The following CDKAL1 variants were observed in gnomAD, a reference collection of about 807,000 sequenced individuals.
CDKAL1 encodes CDKAL1 threonylcarbamoyladenosine tRNA methylthiotransferase.
Under a neutral mutation model 68.2 loss-of-function variants are expected in CDKAL1, and 32 were observed. The observed-to-expected ratio is 0.47, with a 90% confidence interval of 0.35 to 0.63. CDKAL1 has a LOEUF of 0.63. Ranked by LOEUF, CDKAL1 falls within the 30% of genes least tolerant of loss-of-function variation. CDKAL1 has a pLI of 0.00. For missense variants in CDKAL1, 606 were observed against 696.7 expected (o/e 0.87, Z 1.47); for synonymous variants, 234 against 244.3 (o/e 0.96, Z 0.39).
intron 10 of CDKAL1, among the ~76,000 whole-genome samples, chr6:20,978,595 T>C (rs1193257971): frequency 1.3e-5 from 2 of 152,240 alleles, no homozygotes; most frequent in Non-Finnish European, 2.9e-5. Flanking sequence ...TTTGAGATGC[T>C]ATAAACGAGC....
At chr6:21,137,924 T>G (rs1041455477) in intron 13 of CDKAL1, among the ~76,000 whole-genome samples, 1 of 152,260 alleles carries the variant, frequency 6.6e-6, no homozygotes, top group Non-Finnish European at 1.5e-5. Context: ...CAACGCTCTG[T>G]GTAGCATACG....
chr6:21,079,974 C>CTGTGTGTGTGTGTGTGTGTG (rs1206773584), intron 12 of CDKAL1, among the ~76,000 whole-genome samples: 2 of 20,438 alleles, frequency 9.8e-5, no homozygotes, highest in Non-Finnish European at 2.5e-4. Context: ...TCAACTTTGT[C>CTGTGTGTGTGTGTGTGTGTG]TCTGTGTGTG....
intron 12 of CDKAL1, among the ~76,000 whole-genome samples, chr6:21,069,774 C>T (rs76587435): frequency 0.27 from 19,150 of 69,728 alleles, 2,978 homozygotes; most frequent in East Asian, 0.65. Context: ...GATTTTCTTT[C>T]TTTTTTTTTT....
At chr6:20,904,599 G>C (rs1335031966) in intron 9 of CDKAL1, among the ~76,000 whole-genome samples, 1 of 152,098 alleles carries the variant, frequency 6.6e-6, no homozygotes, top group African/African-American at 2.4e-5. Flanking sequence ...AGACCAGCCT[G>C]ACCAACATGG....
chr6:20,986,456 G>C (rs1766456226), intron 10 of CDKAL1, among the ~76,000 whole-genome samples: 1 of 151,816 alleles, frequency 6.6e-6, no homozygotes, highest in Admixed American at 6.6e-5. Flanking sequence ...TTTTAATAGA[G>C]AAAAAATGTA....
intron 4 of CDKAL1, among the ~76,000 whole-genome samples, chr6:20,589,754 T>C (rs756342755): frequency 6.6e-6 from 1 of 152,210 alleles, no homozygotes; most frequent in Non-Finnish European, 1.5e-5. Context: ...TCTTATATTA[T>C]TAGTTTTTCT....
chr6:20,653,689 G>A (rs10223446), intron 5 of CDKAL1, among the ~76,000 whole-genome samples: 10,795 of 148,570 alleles, frequency 0.073, 1,257 homozygotes, highest in African/African-American at 0.25. Context: ...ATCTTGTCTC[G>A]CTACAACCTC....
At chr6:21,049,442 C>T (rs1261331764) in intron 11 of CDKAL1, among the ~76,000 whole-genome samples, 1 of 152,122 alleles carries the variant, frequency 6.6e-6, no homozygotes, top group Non-Finnish European at 1.5e-5. Context: ...ATAGTAAATA[C>T]CTTCACTTTA....
intron 8 of CDKAL1, among the ~76,000 whole-genome samples, chr6:20,832,920 A>T (rs1777776942): frequency 6.6e-6 from 1 of 152,148 alleles, no homozygotes; most frequent in Non-Finnish European, 1.5e-5. Flanking sequence ...TAGTCTGAGG[A>T]TTAAATGGTC....
At chr6:20,756,886 T>G (rs1186078736) in intron 6 of CDKAL1, 2 of 89,990 alleles carry the variant, frequency 2.2e-5, no homozygotes, top group African/African-American at 8.1e-5. Context: ...CTTCCTTCCT[T>G]CCTTCCTTCC....
At chr6:20,540,747 T>C (rs559413690) in intron 2 of CDKAL1, among the ~76,000 whole-genome samples, 4 of 152,332 alleles carry the variant, frequency 2.6e-5, no homozygotes, top group Admixed American at 6.5e-5. Flanking sequence ...TGAGCCACCA[T>C]GCCCAGCCCT....
At chr6:20,779,122 T>C (rs1057398684) in intron 7 of CDKAL1, among the ~76,000 whole-genome samples, 3 of 152,210 alleles carry the variant, frequency 2.0e-5, no homozygotes, top group African/African-American at 7.2e-5. Flanking sequence ...ATGGCTGTTA[T>C]CATAAGAAGC....
At chr6:21,093,694 CTTTTTT>C (rs547923386) in intron 12 of CDKAL1, among the ~76,000 whole-genome samples, 2 of 88,088 alleles carry the variant, frequency 2.3e-5, no homozygotes, top group African/African-American at 4.6e-5. Context: ...GCTGCTGCTG[CTTTTTT>C]TTTTTTTTTT....
At chr6:20,694,298 C>T (rs1771017777) in intron 5 of CDKAL1, among the ~76,000 whole-genome samples, 1 of 152,164 alleles carries the variant, frequency 6.6e-6, no homozygotes, top group African/African-American at 2.4e-5. Context: ...CTGCCTCGGC[C>T]TCCCAAAGTG....
At chr6:20,737,404 A>G (rs1243699151) in intron 5 of CDKAL1, among the ~76,000 whole-genome samples, 1 of 152,266 alleles carries the variant, frequency 6.6e-6, no homozygotes, top group African/African-American at 2.4e-5. Flanking sequence ...GTTCTCTTAA[A>G]CACTGAGTGT....
intron 8 of CDKAL1, among the ~76,000 whole-genome samples, chr6:20,834,152 C>T (rs111448488): frequency 0.011 from 1,726 of 152,242 alleles, 26 homozygotes; most frequent in African/African-American, 0.039. Context: ...GTTCCATTTA[C>T]GGTGACAATA....
intron 3 of CDKAL1, among the ~76,000 whole-genome samples, chr6:20,547,755 A>G (rs936605375): frequency 3.3e-5 from 5 of 152,164 alleles, no homozygotes; most frequent in Admixed American, 6.5e-5. Flanking sequence ...ATCCAAGTTG[A>G]AAGTCCTTTT....
chr6:21,196,388 C>T (rs1280591813), intron 13 of CDKAL1, among the ~76,000 whole-genome samples: 1 of 150,240 alleles, frequency 6.7e-6, no homozygotes, highest in Non-Finnish European at 1.5e-5. Context: ...CATTGAAGCT[C>T]AACATGGAAG....
chr6:20,864,571 A>G (rs1334441824), intron 9 of CDKAL1, among the ~76,000 whole-genome samples: 2 of 152,194 alleles, frequency 1.3e-5, no homozygotes, highest in Admixed American at 1.3e-4. Flanking sequence ...AAGTTATGAA[A>G]CAAATATATT....
Sources: allele counts gnomAD v4.1 joint callset (sites outside exome capture counted in the v4.1 genomes callset), GRCh38; gene constraint gnomAD v4.1.1; transcripts MANE v1.5; gene names NCBI Gene and HGNC (gene_info 2026-07-23, HGNC 2026-07-21).